The following NRAP variants were observed in gnomAD, a reference collection of about 807,000 sequenced individuals.
NRAP encodes the protein nebulin-related-anchoring protein.
NRAP carries 189 observed loss-of-function variants against 225.9 expected under a neutral mutation model. That is an observed-to-expected ratio of 0.84 (90% CI 0.74 to 0.94). The LOEUF (loss-of-function observed/expected upper bound fraction) is 0.94, where lower values mean the gene tolerates loss of function less well. Ranked by LOEUF, NRAP falls within the 40% of genes least tolerant of loss-of-function variation. NRAP has a pLI of 0.00. For missense variants in NRAP, 2,176 were observed against 2,168.7 expected, an observed-to-expected ratio of 1.00 and a Z score of -0.07; for synonymous variants, 769 against 790.7, an observed-to-expected ratio of 0.97 and a Z score of 0.46.
chr10:113,627,792 C>A lies in NRAP; in HGVS notation c.2145+1125G>T, dbSNP rs529735729. Among the ~76,000 whole-genome samples the A allele has an allele frequency of 5.9e-5, 9 of 152,328 alleles. No homozygotes were observed. In the South Asian group the frequency reaches 1.2e-3, roughly 21 times the overall value. On this transcript the variant is annotated intron_variant, in intron 20 of 41. Coordinates refer to ENST00000359988, the MANE Select transcript of NRAP (RefSeq NM_198060.4). The stretch of plus-strand genomic sequence containing the variant: ...CTTACTTAAAGTGTAACTTAAATCT[C>A]ACTTTCTTTATCTGTAAAATGGGAA...
intron 9 of NRAP, among the ~76,000 whole-genome samples, chr10:113,647,651 G>GGTGGTACTTCCTCTCCTA (rs1849643282): frequency 1.4e-5 from 2 of 140,708 alleles, no homozygotes; most frequent in Non-Finnish European, 3.1e-5. Flanking sequence ...GTCTCCCCCC[G>GGTGGTACTTCCTCTCCTA]GTGGTACTGC....
chr10:113,635,094 C>T (rs1406354172), intron 14 of NRAP, among the ~76,000 whole-genome samples: 4 of 152,204 alleles, frequency 2.6e-5, no homozygotes, highest in African/African-American at 9.6e-5. Flanking sequence ...CTCAAGACAT[C>T]AAGGACTAGG....
chr10:113,633,422 C>T (rs1416880002), intron 15 of NRAP, among the ~76,000 whole-genome samples: 2 of 152,050 alleles, frequency 1.3e-5, no homozygotes, highest in East Asian at 3.9e-4. Context: ...AAAAGAATTC[C>T]CTGTGACTGC....
intron 7 of NRAP, among the ~76,000 whole-genome samples, chr10:113,651,234 C>A (rs924160320): frequency 1.3e-5 from 2 of 152,186 alleles, no homozygotes; most frequent in Non-Finnish European, 2.9e-5. Context: ...TAAAATGTCT[C>A]ATACATTCTC....
intron 40 of NRAP, among the ~76,000 whole-genome samples, chr10:113,590,001 G>A (rs1387780063): frequency 6.6e-6 from 1 of 152,226 alleles, no homozygotes; most frequent in East Asian, 1.9e-4. Context: ...CAGCCGGCAT[G>A]TTGCTGTCTC....
chr10:113,618,878 G>A lies in NRAP; in HGVS notation c.2875-1325C>T, dbSNP rs192888902. Among the ~76,000 whole-genome samples, 159 of 152,246 alleles carry A rather than the reference G, an allele frequency of 1.0e-3. 4 individuals carry two copies. The highest frequency in any genetic ancestry group is 9.8e-3 in the East Asian group (51 of 5,178). On this transcript the variant is annotated intron_variant, in intron 25 of 41. Transcript: ENST00000359988. ...GGAGAATCGCTTGAACCCAGGAGGCGGAGGTTGCAGTAAGCCAAGATCACT... is the reference window on the plus strand; with the variant it reads ...GGAGAATCGCTTGAACCCAGGAGGCAGAGGTTGCAGTAAGCCAAGATCACT...
chr10:113,607,068 G>C (rs1847014212), intron 32 of NRAP, among the ~76,000 whole-genome samples: 1 of 152,028 alleles, frequency 6.6e-6, no homozygotes, highest in Non-Finnish European at 1.5e-5. Flanking sequence ...TGACATGGTG[G>C]CGGGCGTCTG....
chr10:113,644,220 T>C (rs141563392), intron 11 of NRAP, among the ~76,000 whole-genome samples: 52 of 144,558 alleles, frequency 3.6e-4, no homozygotes, highest in African/African-American at 1.1e-3. Context: ...GCACTCCCAG[T>C]GGTATGGATC....
At chr10:113,661,771 C>T (rs1370645491) in intron 3 of NRAP, among the ~76,000 whole-genome samples, 3 of 152,176 alleles carry the variant, frequency 2.0e-5, no homozygotes, top group Non-Finnish European at 2.9e-5. Flanking sequence ...AACTTCCTTT[C>T]CAAAGGAAAA....
At chr10:113,655,092 T>C (rs1033534616) in intron 4 of NRAP, among the ~76,000 whole-genome samples, 5 of 152,178 alleles carry the variant, frequency 3.3e-5, no homozygotes, top group African/African-American at 1.2e-4. Context: ...TATGTGAAAT[T>C]ATACTCAACC....
At chr10:113,632,014 C>T in intron 16 of NRAP, 50 bp from the exon 17 acceptor site, 1 of 1,153,710 alleles carries the variant, frequency 8.7e-7, no homozygotes, top group Non-Finnish European at 1.3e-6. Context: ...ATATTCCTGC[C>T]AAACGTCAAA....
Position 113,598,003 on chromosome 10 carries a change from T to G in NRAP, c.4298A>C (p.Glu1433Ala). Residue 1433 changes from glutamate to alanine, a missense_variant, in exon 36 of 42, where the codon GAG becomes GCG. Around this residue, in one of 3 missense-constraint regions of NRAP, gnomAD observed 445 missense variants for 426.1 expected, o/e 1.04. Coordinates refer to ENST00000359988, the MANE Select transcript of NRAP (RefSeq NM_198060.4). Reference protein sequence around the residue: ...GWLALRSPQMESAKKAGELIS... With the variant: ...GWLALRSPQMASAKKAGELIS... Reference sequence around the variant, plus strand: ...GAGTTCTCCAGCCTTCTTTGCACTCTCCATCTGTGGGGATCTCAGCGCCAG... The same window carrying G: ...GAGTTCTCCAGCCTTCTTTGCACTCGCCATCTGTGGGGATCTCAGCGCCAG... The G allele has an allele frequency of 6.2e-7, 1 of 1,613,746 alleles. No homozygotes were observed. Among genetic ancestry groups the G allele is most frequent in the South Asian group, 1.1e-5 (1 of 91,040 alleles).
chr10:113,604,306 G>C (rs1432125169), intron 35 of NRAP, among the ~76,000 whole-genome samples: 1 of 152,022 alleles, frequency 6.6e-6, no homozygotes, highest in Admixed American at 6.5e-5. Context: ...TAATAGAGAC[G>C]GGGTTTCGCC....
chr10:113,629,542 C>T (rs1454171770), intron 19 of NRAP, 46 bp downstream of exon 19: 1 of 1,326,304 alleles, frequency 7.5e-7, no homozygotes, highest in Admixed American at 1.7e-5. Context: ...AAAGCATGTC[C>T]AACTGCAAGA....
At chr10:113,629,539 G>T in intron 19 of NRAP, 49 bp downstream of exon 19, 3 of 1,293,470 alleles carry the variant, frequency 2.3e-6, no homozygotes, top group Non-Finnish European at 2.2e-6. Flanking sequence ...CTGAAAGCAT[G>T]TCCAACTGCA....
chr10:113,638,706 G>C (rs1849020904), intron 14 of NRAP, among the ~76,000 whole-genome samples: 1 of 152,144 alleles, frequency 6.6e-6, no homozygotes, highest in Non-Finnish European at 1.5e-5. Context: ...ATTAGTTTTT[G>C]TCTAAAATCA....
intron 21 of NRAP, 35 bp from the exon 22 acceptor site, chr10:113,624,965 G>T (rs1437070624): frequency 1.4e-6 from 2 of 1,403,504 alleles, no homozygotes; most frequent in Admixed American, 1.7e-5. Context: ...GGAGCAGGTG[G>T]CAAGGGCGAG....
chr10:113,640,241 C>T lies in NRAP; in HGVS notation c.1414G>A (p.Val472Met). 3 of 1,595,658 alleles carry T rather than the reference C, an allele frequency of 1.9e-6. No individual in the cohort carries two copies. The highest frequency in any genetic ancestry group is 2.6e-6 in the Non-Finnish European group (3 of 1,168,308). ...AAAGAACTTACATCTTTCAAGGGCACCAGTTTCATAGCTGTTTGATAGGAA... is the reference window on the plus strand; with the variant it reads ...AAAGAACTTACATCTTTCAAGGGCATCAGTTTCATAGCTGTTTGATAGGAA... ...TPSYQTAMKL[V>M]PLKDANYRQS... Residue 472 changes from valine to methionine, a missense_variant, in exon 14 of 42, where the codon GTG becomes ATG. Around this residue, in one of 3 missense-constraint regions of NRAP, gnomAD observed 1,708 missense variants for 1,695.5 expected, o/e 1.01. Coordinates refer to ENST00000359988, the MANE Select transcript of NRAP (RefSeq NM_198060.4).
chr10:113,657,986 TTTTACC>T (rs1488028593), intron 3 of NRAP, among the ~76,000 whole-genome samples: 1 of 152,226 alleles, frequency 6.6e-6, no homozygotes, highest in Non-Finnish European at 1.5e-5. Flanking sequence ...TGCCTCACAA[TTTTACC>T]TTTAACATCC....
Sources: allele counts gnomAD v4.1 joint callset (sites outside exome capture counted in the v4.1 genomes callset), GRCh38; gene constraint gnomAD v4.1.1; regional missense constraint gnomAD v4.1.1; transcripts MANE v1.5; gene names NCBI Gene and HGNC (gene_info 2026-07-23, HGNC 2026-07-21).